Variants in ZBED4 observed in about 807,000 individuals in gnomAD.
ZBED4 encodes zinc finger BED domain-containing protein 4.
Under a neutral mutation model 15.5 loss-of-function variants are expected in ZBED4, and 4 were observed. The ratio of observed to expected loss-of-function variants is 0.26; its 90% CI spans 0.13 to 0.59. The LOEUF (loss-of-function observed/expected upper bound fraction) is 0.59, where lower values mean the gene tolerates loss of function less well. ZBED4 is among the 20% of genes least tolerant of loss of function. The pLI, the probability that ZBED4 is intolerant of heterozygous loss-of-function variation, is 0.90. For synonymous variants in ZBED4, 692 were observed against 608.5 expected (o/e 1.14, Z -2.02); for missense variants, 1,323 against 1,461.8 (o/e 0.91, Z 1.55).
At chr22:49,860,182 C>G (rs551259042) in intron 1 of ZBED4, among the ~76,000 whole-genome samples, 1 of 152,306 alleles carries the variant, frequency 6.6e-6, no homozygotes, top group African/African-American at 2.4e-5. Flanking sequence ...GCCTGGAGTT[C>G]CAGCTACTCA....
intron 1 of ZBED4, among the ~76,000 whole-genome samples, chr22:49,870,989 G>A (rs1361637651): frequency 6.7e-6 from 1 of 149,750 alleles, no homozygotes; most frequent in Non-Finnish European, 1.5e-5. Flanking sequence ...TACCCAGGCT[G>A]GAGTGCAGTG....
Position 49,884,751 on chromosome 22 carries a change from G to A in ZBED4, c.1089G>A (p.Leu363=). 6.3e-7 allele frequency: 1 copy of A among 1,593,992 alleles called. No individual in the cohort carries two copies. Among genetic ancestry groups the A allele is most frequent in the Non-Finnish European group, 8.6e-7 (1 of 1,167,174 alleles). The change falls in exon 2 of 2, where the codon CTG becomes CTA. Residue 363 remains leucine, a synonymous_variant. Coordinates refer to ENST00000216268, the MANE Select transcript of ZBED4 (RefSeq NM_014838.3). The part of the protein sequence containing the change: ...STPPTLLPSL[L]PPEGELSSVS... ...CTCCCACTCTGCTGCCTTCCTTGCTGCCGCCGGAGGGGGAGCTCAGCTCTG... is the reference window on the plus strand; with the variant it reads ...CTCCCACTCTGCTGCCTTCCTTGCTACCGCCGGAGGGGGAGCTCAGCTCTG...
Position 49,884,342 on chromosome 22 carries a change from T to C in ZBED4, c.680T>C (p.Val227Ala). The change falls in exon 2 of 2, where the codon GTG becomes GCG. Residue 227 changes from valine to alanine, a missense_variant. Transcript: ENST00000216268. ...CCCGATCGAATAACAGAGGAGTCTGTGTCTGTAGTTTCTTCTGAAGAAATC... is the reference window on the plus strand; with the variant it reads ...CCCGATCGAATAACAGAGGAGTCTGCGTCTGTAGTTTCTTCTGAAGAAATC... ...PSPDRITEES[V>A]SVVSSEEISS... 1 of 1,613,438 alleles carries C rather than the reference T, an allele frequency of 6.2e-7. No individual in the cohort carries two copies. The highest frequency in any genetic ancestry group is 1.1e-5 in the South Asian group (1 of 91,024).
At position 49,887,184 on chromosome 22, in the gene ZBED4, A is replaced by G. The variant is rs1392865454; in HGVS notation, c.*6A>G. On this transcript the variant is annotated 3_prime_UTR_variant, in exon 2 of 2. Transcript: ENST00000216268. ...TAATATACTTTCAGTATTGAAACTC[A>G]CGACGGCACCACTAGGCCAGAGGCG... 6.3e-7 allele frequency: 1 copy of G among 1,599,514 alleles called. No individual in the cohort carries two copies. The highest frequency in any genetic ancestry group is 1.3e-5 in the African/African-American group (1 of 74,484).
chr22:49,873,748 A>T (rs944066841), intron 1 of ZBED4, among the ~76,000 whole-genome samples: 1 of 152,190 alleles, frequency 6.6e-6, no homozygotes, highest in Admixed American at 6.5e-5. Context: ...CAGCCCCAAG[A>T]AAGGCTCAGA....
chr22:49,853,332 G>A (rs1429834186), upstream of ZBED4: 5 of 152,308 alleles, frequency 3.3e-5, no homozygotes, highest in African/African-American at 9.7e-5. Context: ...GGGGGGCCGC[G>A]CGGGGAGCCC....
At chr22:49,870,542 C>T (rs565866444) in intron 1 of ZBED4, among the ~76,000 whole-genome samples, 4 of 152,106 alleles carry the variant, frequency 2.6e-5, no homozygotes, top group East Asian at 1.9e-4. Context: ...GATGGTATCT[C>T]GTTGTGGTTT....
At chr22:49,873,454 G>A (rs891138085) in intron 1 of ZBED4, among the ~76,000 whole-genome samples, 5 of 152,138 alleles carry the variant, frequency 3.3e-5, no homozygotes, top group African/African-American at 1.2e-4. Flanking sequence ...GGTGGCTCAC[G>A]TTAATTACGA....
At chr22:49,857,801 G>A (rs1042351248) in intron 1 of ZBED4, among the ~76,000 whole-genome samples, 2 of 152,210 alleles carry the variant, frequency 1.3e-5, no homozygotes, top group African/African-American at 4.8e-5. Flanking sequence ...CTGTCACCCA[G>A]GCTGGAGTGC....
chr22:49,878,926 C>T (rs921407763), intron 1 of ZBED4, among the ~76,000 whole-genome samples: 1 of 151,750 alleles, frequency 6.6e-6, no homozygotes, highest in Non-Finnish European at 1.5e-5. Context: ...GGGCAGATCA[C>T]GAGGTCAAGA....
At position 49,884,603 on chromosome 22, in the gene ZBED4, G is replaced by C. The variant is rs2060426830; in HGVS notation, c.941G>C (p.Ser314Thr). 1.2e-6 allele frequency: 2 copies of C among 1,612,596 alleles called. No individual in the cohort carries two copies. Among genetic ancestry groups the C allele is most frequent in the Non-Finnish European group, 8.5e-7 (1 of 1,179,172 alleles). ...TGCATTCACTGCATGAACGAGTTCA[G>C]CCGGGGGAAGAATGGGAAGGACCTG... is the stretch of plus-strand genomic sequence containing the variant. ...AVCIHCMNEFSRGKNGKDLGT... is the reference protein window; with the variant it reads ...AVCIHCMNEFTRGKNGKDLGT... The change falls in exon 2 of 2, where the codon AGC becomes ACC. Residue 314 changes from serine (S) to threonine (T), a missense_variant. Physicochemically the swap from Ser to Thr is moderately conservative, Grantham distance 58 (BLOSUM62 1). Around this residue, in one of 6 missense-constraint regions of ZBED4, gnomAD observed 380 missense variants for 413.7 expected, o/e 0.92. Transcript: ENST00000216268.
chr22:49,854,092 G>A (rs2060264160), intron 1 of ZBED4, 103 bp downstream of exon 1: 1 of 145,078 alleles, frequency 6.9e-6, no homozygotes, highest in Non-Finnish European at 1.5e-5. Context: ...CGCCGCGCCG[G>A]GGCCAGGGCC....
chr22:49,856,117 G>C (rs2060273795), intron 1 of ZBED4, among the ~76,000 whole-genome samples: 1 of 152,324 alleles, frequency 6.6e-6, no homozygotes, highest in African/African-American at 2.4e-5. Flanking sequence ...CAGTACCTCA[G>C]ATCCCTTCCT....
intron 1 of ZBED4, among the ~76,000 whole-genome samples, chr22:49,870,138 G>A (rs1029180057): frequency 1.2e-4 from 19 of 152,270 alleles, no homozygotes; most frequent in Non-Finnish European, 2.5e-4. Context: ...CATGCATGTT[G>A]CTGCAAGGGA....
chr22:49,867,371 T>C (rs991656944), intron 1 of ZBED4, among the ~76,000 whole-genome samples: 7 of 152,174 alleles, frequency 4.6e-5, no homozygotes, highest in African/African-American at 1.7e-4. Flanking sequence ...CAGGCGGCGG[T>C]GGGAGCGGCG....
chr22:49,865,027 T>G (rs1040942789), intron 1 of ZBED4, among the ~76,000 whole-genome samples: 1 of 142,870 alleles, frequency 7.0e-6, no homozygotes, highest in Admixed American at 7.6e-5. Flanking sequence ...GTCCTAGCTC[T>G]GCAAGTGACG....
intron 1 of ZBED4, among the ~76,000 whole-genome samples, chr22:49,872,172 C>T (rs1003529725): frequency 9.2e-5 from 14 of 152,330 alleles, no homozygotes; most frequent in Admixed American, 7.8e-4. Context: ...CTCTCAAACC[C>T]TGCTGTTGTT....
intron 1 of ZBED4, among the ~76,000 whole-genome samples, chr22:49,865,503 A>G (rs976485382): frequency 1.3e-5 from 2 of 151,852 alleles, no homozygotes; most frequent in Non-Finnish European, 2.9e-5. Flanking sequence ...CAAAAAAAAA[A>G]AAATAATAAC....
chr22:49,865,103 G>A (rs11703411), intron 1 of ZBED4, among the ~76,000 whole-genome samples: 95,486 of 151,744 alleles, frequency 0.63, 34,122 homozygotes, highest in East Asian at 0.85. Flanking sequence ...CGATGTTGTC[G>A]TTGTGTGAAC....
Sources: allele counts gnomAD v4.1 joint callset (sites outside exome capture counted in the v4.1 genomes callset), GRCh38; gene constraint gnomAD v4.1.1; regional missense constraint gnomAD v4.1.1; transcripts MANE v1.5; gene names NCBI Gene and HGNC (gene_info 2026-07-23, HGNC 2026-07-21).